The following NCF2 variants were observed in gnomAD, a reference collection of about 807,000 sequenced individuals.
NCF2 encodes the protein neutrophil cytosol factor 2.
In NCF2, 45 loss-of-function variants were observed where a neutral mutation model predicts 70.9. The ratio of observed to expected loss-of-function variants is 0.63; its 90% CI spans 0.50 to 0.81. NCF2 has a LOEUF of 0.81. Among genes scored for constraint, NCF2 ranks in the 40% least tolerant of loss-of-function variants. The pLI is 0.00. For missense variants in NCF2, 522 were observed against 631.6 expected (o/e 0.83, Z 1.86); for synonymous variants, 203 against 233.6 (o/e 0.87, Z 1.19).
In NCF2 at chr1:183,561,818, G is replaced by C. The variant is rs1296098312; in HGVS notation, c.1290+1377C>G. 7.0e-5 allele frequency among the ~76,000 whole-genome samples: 3 copies of C among 42,564 alleles called. No individual in the cohort carries two copies. In the East Asian group the frequency reaches 1.5e-3, roughly 22 times the overall value. 27.9% of individuals were successfully genotyped at this position (42,564 alleles called of 152,430 possible). On this transcript the variant is annotated intron_variant, in intron 13 of 14. Coordinates refer to ENST00000367535, the MANE Select transcript of NCF2 (RefSeq NM_000433.4). ...TTTTTTTTTTTTTTTTTTTTTTTTT[G>C]AGGCAGAATCTCTCTGTCACCCAGA...
chr1:183,596,009 C>G, the NCF2 span, among the ~76,000 whole-genome samples: 1 of 152,140 alleles, frequency 6.6e-6, no homozygotes, highest in East Asian at 1.9e-4. Context: ...CATGTGCACT[C>G]AAGGAGGTTT....
chr1:183,590,899 C>T (rs1226559520), upstream of NCF2: 1 of 168,672 alleles, frequency 5.9e-6, no homozygotes, highest in African/African-American at 2.4e-5. Context: ...AAATGAAACC[C>T]GTGACCTAGA....
intron 2 of NCF2, among the ~76,000 whole-genome samples, chr1:183,582,911 T>G (rs1558104481): frequency 6.6e-6 from 1 of 152,184 alleles, no homozygotes; most frequent in Non-Finnish European, 1.5e-5. Context: ...GTGCTCTAAC[T>G]TTGTTCTGTT....
At chr1:183,569,345 C>T (rs972154042) in intron 6 of NCF2, 160 bp from the exon 7 acceptor site, 3 of 719,922 alleles carry the variant, frequency 4.2e-6, no homozygotes, top group Middle Eastern at 2.4e-4. Context: ...AGGGCACAGT[C>T]ACCCTGACTA....
At chr1:183,601,254 TATCAGTACATAGAAAGCTTCCTC>T in the NCF2 span, among the ~76,000 whole-genome samples, 2 of 152,212 alleles carry the variant, frequency 1.3e-5, no homozygotes, top group Non-Finnish European at 1.5e-5. Flanking sequence ...AACAGTCTCT[TATCAGTACATAGAAAGCTTCCTC>T]ATTCTTTGTT....
At chr1:183,565,038 C>T (rs1672241346) in intron 10 of NCF2, among the ~76,000 whole-genome samples, 1 of 152,158 alleles carries the variant, frequency 6.6e-6, no homozygotes. Flanking sequence ...CTACTGTCAG[C>T]TTTTCTGTAG....
intron 4 of NCF2, among the ~76,000 whole-genome samples, chr1:183,573,571 G>A (rs529496026): frequency 1.3e-5 from 2 of 152,080 alleles, no homozygotes; most frequent in East Asian, 1.9e-4. Context: ...TGTGCTGTCC[G>A]TGGGGTTCTC....
At position 183,574,692 on chromosome 1, in the gene NCF2, C is replaced by T. The variant is rs1009539014; in HGVS notation, c.367-71G>A. 21 of 1,565,118 alleles carry T rather than the reference C, an allele frequency of 1.3e-5. No individual in the cohort carries two copies. In the African/African-American group the frequency reaches 1.8e-4, roughly 13 times the overall value. ...TCAAGGTGCCAGGGAAAGGCTCACA[C>T]GTATACTCTGAGAATGTTGCCTGGT... On this transcript the variant is annotated intron_variant, in intron 3 of 14. Coordinates refer to ENST00000367535, the MANE Select transcript of NCF2 (RefSeq NM_000433.4).
intron 13 of NCF2, among the ~76,000 whole-genome samples, chr1:183,561,306 A>T (rs946230257): frequency 6.6e-6 from 1 of 152,204 alleles, no homozygotes; most frequent in Non-Finnish European, 1.5e-5. Context: ...GAACGTTGGT[A>T]TATTTTTATT....
upstream of NCF2, among the ~76,000 whole-genome samples, chr1:183,594,104 T>C (rs768013845): frequency 1.6e-4 from 24 of 152,182 alleles, no homozygotes; most frequent in Non-Finnish European, 2.8e-4. Context: ...GCTGATGAGA[T>C]GTGTTGCATT....
upstream of NCF2, among the ~76,000 whole-genome samples, chr1:183,591,811 A>G (rs1380322280): frequency 6.6e-6 from 1 of 152,150 alleles, no homozygotes; most frequent in Non-Finnish European, 1.5e-5. Context: ...ATGAACATTC[A>G]TGAAGTTCAG....
At position 183,573,217 on chromosome 1, in the gene NCF2, G is replaced by C; in HGVS notation, c.577C>G (p.Leu193Val). 1 of 1,614,112 alleles carries C rather than the reference G, an allele frequency of 6.2e-7. No homozygotes were observed. Among genetic ancestry groups the C allele is most frequent in the Non-Finnish European group, 8.5e-7 (1 of 1,180,008 alleles). ...TTGCCTAGGTAATCCTTCTTGGCCA[G>C]CTGAGCCACTTGTCTCTCATTTGGT... ...FRPNERQVAQLAKKDYLGKAT... is the reference protein window; with the variant it reads ...FRPNERQVAQVAKKDYLGKAT... Residue 193 changes from leucine to valine, a missense_variant, in exon 5 of 15, where the codon CTG (leucine) becomes GTG (valine). Physicochemically the swap from Leu to Val is conservative, Grantham distance 32. Coordinates refer to ENST00000367535, the MANE Select transcript of NCF2 (RefSeq NM_000433.4).
intron 2 of NCF2, among the ~76,000 whole-genome samples, chr1:183,585,568 T>C (rs1028080039): frequency 1.4e-5 from 2 of 146,844 alleles, no homozygotes; most frequent in Non-Finnish European, 3.0e-5. Flanking sequence ...GAGGTTGCAG[T>C]GAGCCGAGAT....
upstream of NCF2, among the ~76,000 whole-genome samples, chr1:183,592,730 T>A (rs986103332): frequency 1.3e-5 from 2 of 152,220 alleles, no homozygotes; most frequent in South Asian, 2.1e-4. Context: ...ACTTCATTTT[T>A]AAAAAATGTT....
intron 2 of NCF2, among the ~76,000 whole-genome samples, chr1:183,581,794 A>C (rs1673114278): frequency 6.6e-6 from 1 of 151,808 alleles, no homozygotes; most frequent in Admixed American, 6.6e-5. Flanking sequence ...CAGCCTCCCG[A>C]GTAGCTGGGA....
intron 6 of NCF2, among the ~76,000 whole-genome samples, chr1:183,570,575 G>C (rs978033429): frequency 6.6e-6 from 1 of 152,208 alleles, no homozygotes; most frequent in Admixed American, 6.5e-5. Flanking sequence ...CAGAGGACTT[G>C]GGGTGAAGCC....
chr1:183,568,095 C>T (rs1672391148), intron 7 of NCF2, among the ~76,000 whole-genome samples: 1 of 152,040 alleles, frequency 6.6e-6, no homozygotes, highest in Non-Finnish European at 1.5e-5. Context: ...ACAGGCCCTT[C>T]CAGCTGACAG....
chr1:183,580,481 G>T (rs189168800), intron 2 of NCF2, among the ~76,000 whole-genome samples: 39 of 152,244 alleles, frequency 2.6e-4, no homozygotes, highest in African/African-American at 9.1e-4. Flanking sequence ...TTTCCACTGT[G>T]TTCTATTGCC....
In NCF2 at chr1:183,560,146, G is replaced by A; in HGVS notation, c.1418C>T (p.Pro473Leu). 1 of 1,614,130 alleles carries A rather than the reference G, an allele frequency of 6.2e-7. No homozygotes were observed. The highest frequency in any genetic ancestry group is 1.3e-5 in the African/African-American group (1 of 75,034). Residue 473 changes from proline to leucine, a missense_variant, in exon 14 of 15, where the codon CCA becomes CTA. By Grantham distance (98) the Pro-to-Leu change is moderately conservative. Transcript: ENST00000367535. Reference sequence around the variant, plus strand: ...CCCTTCCTGAAACTCCAGGTCCTCTGGTTGGGTAGCCTCATAACTGAAGAG... The same window carrying A: ...CCCTTCCTGAAACTCCAGGTCCTCTAGTTGGGTAGCCTCATAACTGAAGAG... ...EALFSYEATQ[P>L]EDLEFQEGDI...
Sources: allele counts gnomAD v4.1 joint callset (sites outside exome capture counted in the v4.1 genomes callset), GRCh38; gene constraint gnomAD v4.1.1; transcripts MANE v1.5; gene names NCBI Gene and HGNC (gene_info 2026-07-23, HGNC 2026-07-21).